TSHZ3: variants seen among roughly 807,000 people sequenced by gnomAD.
The protein encoded by TSHZ3 is teashirt homolog 3.
Under a neutral mutation model 64.5 loss-of-function variants are expected in TSHZ3, and 10 were observed. The ratio of observed to expected loss-of-function variants is 0.16; its 90% CI spans 0.10 to 0.26. The LOEUF (loss-of-function observed/expected upper bound fraction) is 0.26. TSHZ3 is among the 10% of genes least tolerant of loss of function. The pLI, the probability that TSHZ3 is intolerant of heterozygous loss-of-function variation, is 1.00. For missense variants in TSHZ3, 1,242 were observed against 1,421.7 expected, an observed-to-expected ratio of 0.87 and a Z score of 2.03; for synonymous variants, 608 against 593.1, an observed-to-expected ratio of 1.03 and a Z score of -0.36.
chr19:31,263,971 T>C (rs1976016223), intron 1 of TSHZ3, among the ~76,000 whole-genome samples: 1 of 152,116 alleles, frequency 6.6e-6, no homozygotes, highest in Non-Finnish European at 1.5e-5. Context: ...GCCACTGACA[T>C]GAAGTGTGTG....
At chr19:31,244,808 TAATTTTTGA>T (rs1975739239) in intron 1 of TSHZ3, among the ~76,000 whole-genome samples, 1 of 152,178 alleles carries the variant, frequency 6.6e-6, no homozygotes, top group African/African-American at 2.4e-5. Flanking sequence ...CACACTTGGC[TAATTTTTGA>T]AATTTTTGTA....
At chr19:31,149,908 G>A (rs1421766620), downstream of TSHZ3, among the ~76,000 whole-genome samples, 4 of 152,164 alleles carry the variant, frequency 2.6e-5, no homozygotes, top group Non-Finnish European at 5.9e-5. Context: ...ATGTTAGGGA[G>A]TGGGGAACAG....
intron 5 of TSHZ3, among the ~76,000 whole-genome samples, chr19:31,174,024 T>C (rs1177904969): frequency 3.3e-5 from 5 of 152,164 alleles, no homozygotes; most frequent in African/African-American, 1.2e-4. Context: ...GCTGAGATCA[T>C]GTCACTGCAC....
At chr19:31,216,104 A>C (rs1220716234) in intron 4 of TSHZ3, among the ~76,000 whole-genome samples, 1 of 152,160 alleles carries the variant, frequency 6.6e-6, no homozygotes, top group Non-Finnish European at 1.5e-5. Flanking sequence ...ATATGTATAC[A>C]AGAAACATCA....
chr19:31,219,266 A>G (rs1365777079), intron 4 of TSHZ3, among the ~76,000 whole-genome samples: 1 of 152,230 alleles, frequency 6.6e-6, no homozygotes, highest in African/African-American at 2.4e-5. Flanking sequence ...GAACAAAATG[A>G]TTCCGTGTCT....
chr19:31,274,884 A>T (rs1873642090), downstream of TSHZ3: 1 of 152,182 alleles, frequency 6.6e-6, no homozygotes, highest in Admixed American at 6.6e-5. Context: ...CATACAATTT[A>T]ATTTTAATGT....
chr19:31,169,059 G>A (rs1205898162), intron 5 of TSHZ3, among the ~76,000 whole-genome samples: 2 of 152,078 alleles, frequency 1.3e-5, no homozygotes, highest in East Asian at 1.9e-4. Context: ...GAACCACAGG[G>A]CTGGGGAAGA....
At position 31,277,989 on chromosome 19, in the gene TSHZ3, T is replaced by C. The variant is rs1286086336; in HGVS notation, c.1804A>G (p.Met602Val). 3 of 1,614,048 alleles carry C rather than the reference T, an allele frequency of 1.9e-6. No individual in the cohort carries two copies. Among genetic ancestry groups the C allele is most frequent in the Non-Finnish European group, 2.5e-6 (3 of 1,180,006 alleles). ...ATGGCATGAAAGTTTGTCTTGGGCA[T>C]GGGGGACGTCTGGCTGCTGGGTGGA... ...VSPPSSQTSP[M>V]PKTNFHAMEE... Residue 602 changes from methionine (M) to valine (V), a missense_variant, in exon 2 of 2, where the codon ATG becomes GTG. Transcript: ENST00000240587. The surrounding 1 kb of genome is among the most constrained non-coding windows in gnomAD (Gnocchi z 4.5).
intron 1 of TSHZ3, among the ~76,000 whole-genome samples, chr19:31,287,662 C>G (rs1355222472): frequency 6.6e-6 from 1 of 151,890 alleles, no homozygotes; most frequent in African/African-American, 2.4e-5. Flanking sequence ...CACCAAAGGG[C>G]ATGGGAGGTA....
chr19:31,215,544 A>G (rs1191576086), intron 4 of TSHZ3, among the ~76,000 whole-genome samples: 1 of 152,236 alleles, frequency 6.6e-6, no homozygotes, highest in East Asian at 1.9e-4. Context: ...ACCATAAAAT[A>G]AAATGATTTT....
At chr19:31,150,042 A>T (rs1429633877) in exon 7 of TSHZ3, among the ~76,000 whole-genome samples, 3 of 152,214 alleles carry the variant, frequency 2.0e-5, no homozygotes, top group African/African-American at 2.4e-5. Context: ...AGATGAAATC[A>T]TGTGGAGGCT....
chr19:31,325,723 G>C (rs192072882), intron 1 of TSHZ3, among the ~76,000 whole-genome samples: 1 of 152,194 alleles, frequency 6.6e-6, no homozygotes, highest in Non-Finnish European at 1.5e-5. Context: ...ATACAAAGGC[G>C]TGTGCAGAAG....
At chr19:31,330,707 G>T (rs921882316) in intron 1 of TSHZ3, among the ~76,000 whole-genome samples, 14 of 100,294 alleles carry the variant, frequency 1.4e-4, no homozygotes, top group East Asian at 3.1e-4. Flanking sequence ...TTAATCCTTG[G>T]GCGGGGGGAG....
At chr19:31,231,482 G>C (rs951410451) in intron 3 of TSHZ3, among the ~76,000 whole-genome samples, 1 of 152,168 alleles carries the variant, frequency 6.6e-6, no homozygotes, top group African/African-American at 2.4e-5. Flanking sequence ...CACTGTGAAA[G>C]ATTTGTGGCA....
At chr19:31,208,463 T>G (rs1339251367) in intron 4 of TSHZ3, among the ~76,000 whole-genome samples, 1 of 152,214 alleles carries the variant, frequency 6.6e-6, no homozygotes, top group Non-Finnish European at 1.5e-5. Context: ...TCATGAAGAC[T>G]GTATACATGG....
intron 1 of TSHZ3, among the ~76,000 whole-genome samples, chr19:31,294,404 C>T (rs984600270): frequency 2.6e-5 from 4 of 152,204 alleles, no homozygotes; most frequent in South Asian, 2.1e-4. Context: ...ACTCAGCCAG[C>T]GGCACTCAGT....
At chr19:31,235,571 T>C (rs1975597311) in intron 3 of TSHZ3, among the ~76,000 whole-genome samples, 1 of 128,928 alleles carries the variant, frequency 7.8e-6, no homozygotes, top group Admixed American at 7.6e-5. Context: ...TATCACATTT[T>C]CTTTCCTTCT....
intron 4 of TSHZ3, among the ~76,000 whole-genome samples, chr19:31,225,826 G>C (rs900162732): frequency 5.3e-5 from 8 of 152,008 alleles, no homozygotes; most frequent in Non-Finnish European, 1.2e-4. Flanking sequence ...TTCCCAATCT[G>C]GCTTAAAAGC....
In TSHZ3 at chr19:31,279,597, C is replaced by G; in HGVS notation, c.196G>C (p.Glu66Gln). The change falls in exon 2 of 2, where the codon GAG (glutamate) becomes CAG (glutamine). Residue 66 changes from glutamate to glutamine, a missense_variant. By Grantham distance (29) the Glu-to-Gln change is conservative. This residue lies in a region of TSHZ3 where 555 missense variants were observed against 704.0 expected (regional missense o/e 0.79). Coordinates refer to ENST00000240587, the MANE Select transcript of TSHZ3 (RefSeq NM_020856.4). The surrounding 1 kb of genome is among the most constrained non-coding windows in gnomAD (Gnocchi z 6.4). Reference protein sequence around the residue: ...CPSYQNSPAAEFSCHEMDSES... With the variant: ...CPSYQNSPAAQFSCHEMDSES... ...CTGTCCATTTCATGGCAGGAAAACT[C>G]GGCGGCCGGGGAGTTCTGGTAGCTG... The G allele has an allele frequency of 6.2e-7, 1 of 1,611,862 alleles. No individual in the cohort carries two copies. Among genetic ancestry groups the G allele is most frequent in the Non-Finnish European group, 8.5e-7 (1 of 1,178,604 alleles).
Sources: allele counts gnomAD v4.1 joint callset (sites outside exome capture counted in the v4.1 genomes callset), GRCh38; gene constraint gnomAD v4.1.1; regional missense constraint gnomAD v4.1.1; non-coding constraint Gnocchi (gnomAD v3.1); transcripts MANE v1.5; gene names NCBI Gene and HGNC (gene_info 2026-07-23, HGNC 2026-07-21).